DCDC2C: variants seen among roughly 807,000 people sequenced by gnomAD.
DCDC2C encodes doublecortin domain containing 2C.
In DCDC2C, 44 loss-of-function variants were observed where a neutral mutation model predicts 45.0. The observed-to-expected ratio is 0.98, with a 90% CI of 0.77 to 1.26. DCDC2C has a LOEUF of 1.26. DCDC2C is among the 50% of genes most tolerant of loss of function. The probability of loss-of-function intolerance (pLI) is 0.00; values close to 1 mark genes in which losing one functional copy is unlikely to be tolerated. For missense variants in DCDC2C, 447 were observed against 468.9 expected (o/e 0.95, Z 0.43); for synonymous variants, 187 against 178.8 (o/e 1.05, Z -0.37).
chr2:3,752,035 G>A (rs952965199), intron 4 of DCDC2C, among the ~76,000 whole-genome samples: 26 of 152,104 alleles, frequency 1.7e-4, no homozygotes, highest in African/African-American at 6.3e-4. Flanking sequence ...CGTACATGAT[G>A]AAATCCCACC....
At chr2:3,742,337 C>T (rs73910352) in intron 4 of DCDC2C, among the ~76,000 whole-genome samples, 2,692 of 152,268 alleles carry the variant, frequency 0.018, 79 homozygotes, top group African/African-American at 0.061. Context: ...ATTGAGTGGG[C>T]CGACCGTTCA....
In DCDC2C at chr2:3,703,602, C is replaced by T. The variant is rs544722848; in HGVS notation, c.-150C>T. On this transcript the variant is annotated 5_prime_UTR_variant, in exon 1 of 11. Coordinates refer to ENST00000399143, the MANE Select transcript of DCDC2C (RefSeq NM_001287444.2). This position sits in a 1 kb window ranked among gnomAD's most constrained non-coding sequence, Gnocchi z 4.4. ...CCCCGTCCCGTCCCCGTCCAGCCCC[C>T]GTCCCGTCCCCGTCCCGTCCCCGTC... 19 of 744,950 alleles carry T rather than the reference C, an allele frequency of 2.6e-5. No homozygotes were observed. The highest frequency in any genetic ancestry group is 1.2e-4 in the African/African-American group (6 of 51,308). 46.1% of individuals were successfully genotyped at this position (744,950 alleles called of 1,614,324 possible).
At chr2:3,776,089 T>A (rs1445872098) in intron 8 of DCDC2C, among the ~76,000 whole-genome samples, 3 of 152,152 alleles carry the variant, frequency 2.0e-5, no homozygotes, top group South Asian at 2.1e-4. Context: ...TACCCATATA[T>A]CCCCTCCTTC....
chr2:3,764,867 A>G (rs988222228), intron 6 of DCDC2C, among the ~76,000 whole-genome samples: 7 of 152,236 alleles, frequency 4.6e-5, no homozygotes, highest in African/African-American at 1.4e-4. Flanking sequence ...AATGCTATAA[A>G]GCACATTTTT....
intron 4 of DCDC2C, among the ~76,000 whole-genome samples, chr2:3,744,351 G>A (rs1669300036): frequency 6.6e-6 from 1 of 152,220 alleles, no homozygotes; most frequent in Non-Finnish European, 1.5e-5. Context: ...CCGGCTGTTG[G>A]TGCAGATTAG....
chr2:3,829,140 C>A (rs1424204148), intron 10 of DCDC2C, among the ~76,000 whole-genome samples: 1 of 152,092 alleles, frequency 6.6e-6, no homozygotes, highest in Non-Finnish European at 1.5e-5. Context: ...GCTTTAGAAA[C>A]CTCCTTCTTT....
chr2:3,779,380 G>C (rs1395712022), intron 9 of DCDC2C, among the ~76,000 whole-genome samples: 1 of 152,310 alleles, frequency 6.6e-6, no homozygotes, highest in Non-Finnish European at 1.5e-5. Flanking sequence ...TGGCAGTGTG[G>C]GTTCTTGCTC....
intron 10 of DCDC2C, among the ~76,000 whole-genome samples, chr2:3,806,810 G>A (rs906090164): frequency 7.6e-4 from 116 of 152,150 alleles, no homozygotes; most frequent in African/African-American, 2.6e-3. Flanking sequence ...GCCCTGCAAA[G>A]TGCTGGGATT....
chr2:3,769,186 A>T, intron 7 of DCDC2C, 125 bp from the exon 8 acceptor site: 1 of 799,944 alleles, frequency 1.3e-6, no homozygotes, highest in Non-Finnish European at 2.0e-6. Context: ...GGGACTGCAG[A>T]CCAGGTGGCC....
At chr2:3,765,926 C>T (rs984389662) in intron 6 of DCDC2C, among the ~76,000 whole-genome samples, 6 of 152,094 alleles carry the variant, frequency 3.9e-5, no homozygotes, top group African/African-American at 7.2e-5. Context: ...GCGCTGCTCC[C>T]GATTTCACAG....
Sources: allele counts gnomAD v4.1 joint callset (sites outside exome capture counted in the v4.1 genomes callset), GRCh38; gene constraint gnomAD v4.1.1; non-coding constraint Gnocchi (gnomAD v3.1); transcripts MANE v1.5; gene names NCBI Gene and HGNC (gene_info 2026-07-23, HGNC 2026-07-21).